CYP2C18: variants seen among roughly 807,000 people sequenced by gnomAD.
CYP2C18 encodes the protein cytochrome P450 family 2 subfamily C member 18.
Under a neutral mutation model 41.3 loss-of-function variants are expected in CYP2C18, and 38 were observed. The observed-to-expected ratio is 0.92, with a 90% CI of 0.71 to 1.21. CYP2C18 has a LOEUF of 1.21. Among genes scored for constraint, CYP2C18 ranks in the 50% most tolerant of loss-of-function variants. The pLI, the probability that CYP2C18 is intolerant of heterozygous loss-of-function variation, is 0.00. For missense variants in CYP2C18, 635 were observed against 591.4 expected (o/e 1.07, Z -0.77); for synonymous variants, 236 against 210.0 (o/e 1.12, Z -1.07).
At chr10:94,692,557 T>G (rs565446990) in intron 3 of CYP2C18, among the ~76,000 whole-genome samples, 121 of 152,260 alleles carry the variant, frequency 7.9e-4, no homozygotes, top group African/African-American at 2.7e-3. Context: ...ATAGGAACAC[T>G]TTTACACTGT....
intron 7 of CYP2C18, among the ~76,000 whole-genome samples, chr10:94,725,412 T>C (rs1431814993): frequency 1.3e-5 from 2 of 152,044 alleles, no homozygotes; most frequent in East Asian, 1.9e-4. Context: ...TGTTCTCTTT[T>C]AATATTTATT....
At chr10:94,729,086 C>T (rs1847789385) in intron 7 of CYP2C18, among the ~76,000 whole-genome samples, 1 of 152,080 alleles carries the variant, frequency 6.6e-6, no homozygotes, top group Non-Finnish European at 1.5e-5. Flanking sequence ...GTCTGCATCT[C>T]ACAGACCATC....
At chr10:94,732,004 G>A (rs1049264419) in intron 7 of CYP2C18, among the ~76,000 whole-genome samples, 3 of 152,074 alleles carry the variant, frequency 2.0e-5, no homozygotes, top group Non-Finnish European at 4.4e-5. Context: ...AAACTAAAGA[G>A]CTTCTGCATA....
chr10:94,710,782 G>A (rs1050130489), intron 5 of CYP2C18, among the ~76,000 whole-genome samples: 2 of 152,158 alleles, frequency 1.3e-5, no homozygotes, highest in African/African-American at 4.8e-5. Context: ...TCTGTTGAGA[G>A]GACTAGGTTT....
At chr10:94,730,696 A>G (rs1335797620) in intron 7 of CYP2C18, among the ~76,000 whole-genome samples, 1 of 152,174 alleles carries the variant, frequency 6.6e-6, no homozygotes, top group East Asian at 1.9e-4. Flanking sequence ...GGCAAGAGGA[A>G]GAAAGAAAAC....
intron 5 of CYP2C18, among the ~76,000 whole-genome samples, chr10:94,712,515 A>G (rs1299695260): frequency 6.6e-6 from 1 of 152,156 alleles, no homozygotes; most frequent in African/African-American, 2.4e-5. Context: ...CACAAATAAC[A>G]GAATTTCTTC....
At chr10:94,730,049 C>T (rs1276115594) in intron 7 of CYP2C18, among the ~76,000 whole-genome samples, 3 of 152,094 alleles carry the variant, frequency 2.0e-5, no homozygotes, top group Non-Finnish European at 4.4e-5. Flanking sequence ...TCATTTTGGT[C>T]TCTTTTGCAG....
intron 5 of CYP2C18, among the ~76,000 whole-genome samples, chr10:94,709,296 T>C (rs1371488440): frequency 1.3e-5 from 2 of 152,228 alleles, no homozygotes; most frequent in Non-Finnish European, 2.9e-5. Flanking sequence ...CTTATCTTTT[T>C]GATTCCAGCC....
At chr10:94,715,016 G>C (rs1047211336) in intron 5 of CYP2C18, among the ~76,000 whole-genome samples, 3 of 152,128 alleles carry the variant, frequency 2.0e-5, no homozygotes, top group South Asian at 2.1e-4. Flanking sequence ...TGTGATTTTT[G>C]CACACTTATT....
intron 1 of CYP2C18, 56 bp downstream of exon 1, chr10:94,684,043 T>C (rs1846837831): frequency 1.6e-6 from 2 of 1,274,532 alleles, no homozygotes; most frequent in Non-Finnish European, 2.1e-6. Context: ...ACCTCACAAT[T>C]CTTAAAGTTT....
Position 94,683,802 on chromosome 10 carries a change from T to C in CYP2C18, c.-18T>C, listed in dbSNP as rs1305306920. On this transcript the variant is annotated 5_prime_UTR_variant, in exon 1 of 9. Coordinates refer to ENST00000285979, the MANE Select transcript of CYP2C18 (RefSeq NM_000772.3). ...AAGTGAAAGCCCGCAGTTGTCTTACTAAGAAGAGAAGCCTTCAATGGATCC... is the reference window on the plus strand; with the variant it reads ...AAGTGAAAGCCCGCAGTTGTCTTACCAAGAAGAGAAGCCTTCAATGGATCC... 3.0e-5 allele frequency: 47 copies of C among 1,565,414 alleles called. No individual in the cohort carries two copies. The highest frequency in any genetic ancestry group is 8.6e-7 in the Non-Finnish European group (1 of 1,156,396).
intron 5 of CYP2C18, among the ~76,000 whole-genome samples, chr10:94,709,434 C>T (rs557570619): frequency 5.9e-5 from 9 of 151,920 alleles, no homozygotes; most frequent in South Asian, 2.1e-4. Flanking sequence ...ACCTTTTGTC[C>T]GTTTTTAAAT....
chr10:94,733,423 A>T lies in CYP2C18; in HGVS notation c.1276A>T (p.Met426Leu). 6.2e-7 allele frequency: 1 copy of T among 1,613,312 alleles called. No individual in the cohort carries two copies. The change falls in exon 8 of 9, where the codon ATG (methionine) becomes TTG (leucine). Residue 426 changes from methionine to leucine, a missense_variant. Physicochemically the swap from Met to Leu is conservative, Grantham distance 15. Transcript: ENST00000285979. Reference sequence around the variant, plus strand: ...CAACTTTAAGAAAAGTGACTACTTCATGCCTTTCTCAGCAGGTAATAGATA... The same window carrying T: ...CAACTTTAAGAAAAGTGACTACTTCTTGCCTTTCTCAGCAGGTAATAGATA... ...SGNFKKSDYF[M>L]PFSAGKRMCM...
chr10:94,699,007 A>T (rs1847178865), intron 4 of CYP2C18, among the ~76,000 whole-genome samples: 2 of 152,212 alleles, frequency 1.3e-5, no homozygotes, highest in East Asian at 3.8e-4. Flanking sequence ...AACCAAAAAA[A>T]GTTCAGGACC....
intron 4 of CYP2C18, among the ~76,000 whole-genome samples, chr10:94,698,525 G>C (rs1847167463): frequency 6.6e-6 from 1 of 152,194 alleles, no homozygotes; most frequent in African/African-American, 2.4e-5. Flanking sequence ...ACAAGAGAAA[G>C]CAGGAAAGAT....
intron 7 of CYP2C18, 48 bp downstream of exon 7, chr10:94,724,581 A>C (rs1388857289): frequency 6.6e-7 from 1 of 1,519,774 alleles, no homozygotes; most frequent in South Asian, 1.1e-5. Flanking sequence ...TCAAGTCCCC[A>C]AATTCATAGT....
At chr10:94,725,371 G>C (rs1013126361) in intron 7 of CYP2C18, among the ~76,000 whole-genome samples, 1 of 151,722 alleles carries the variant, frequency 6.6e-6, no homozygotes, top group Non-Finnish European at 1.5e-5. Context: ...TTTTTTGTTT[G>C]TAAATTTATT....
At position 94,724,545 on chromosome 10, in the gene CYP2C18, T is replaced by C. The variant is rs1261637517; in HGVS notation, c.1149+12T>C. ...ACCTCATCCCCAAGGTAAGCTTGTT[T>C]CTCCTACACTACATCTCCATGCTCT... On this transcript the variant is annotated intron_variant, in intron 7 of 8. Coordinates refer to ENST00000285979, the MANE Select transcript of CYP2C18 (RefSeq NM_000772.3). 1 of 1,609,836 alleles carries C rather than the reference T, an allele frequency of 6.2e-7. No homozygotes were observed. The highest frequency in any genetic ancestry group is 1.1e-5 in the South Asian group (1 of 90,968).
chr10:94,717,089 C>G (rs907445104), intron 5 of CYP2C18, among the ~76,000 whole-genome samples: 39 of 151,950 alleles, frequency 2.6e-4, no homozygotes, highest in African/African-American at 8.9e-4. Context: ...GTATGTGAGA[C>G]AGGTCTCCTG....
Sources: allele counts gnomAD v4.1 joint callset (sites outside exome capture counted in the v4.1 genomes callset), GRCh38; gene constraint gnomAD v4.1.1; transcripts MANE v1.5; gene names NCBI Gene and HGNC (gene_info 2026-07-23, HGNC 2026-07-21).